The following L1CAM variants were observed in gnomAD, a reference collection of about 807,000 sequenced individuals.
L1CAM encodes L1 cell adhesion molecule.
Under a neutral mutation model 93.0 loss-of-function variants are expected in L1CAM, and 8 were observed. That is an observed-to-expected ratio of 0.09 (90% CI 0.05 to 0.16). The LOEUF (loss-of-function observed/expected upper bound fraction) is 0.16, where lower values mean the gene tolerates loss of function less well. Among genes scored for constraint, L1CAM ranks in the 10% least tolerant of loss-of-function variants. L1CAM has a pLI of 1.00. For missense variants in L1CAM, 777 were observed against 1,073.4 expected (o/e 0.72, Z 3.86); for synonymous variants, 453 against 453.0 (o/e 1.00, Z 0.00).
chrX:153,885,833 AC>A, intron 1 of L1CAM: 1 of 292,743 alleles, frequency 3.4e-6, no homozygotes, highest in Non-Finnish European at 4.5e-6. Context: ...CCCGCAGGTT[AC>A]CCCTCACCTG....
intron 2 of L1CAM, 72 bp from the exon 3 acceptor site, chrX:153,873,314 G>C (rs1029731152): frequency 1.2e-4 from 127 of 1,046,265 alleles, no homozygotes; most frequent in Non-Finnish European, 1.6e-4. Flanking sequence ...GAGTGGGGCA[G>C]ATGGCAGGGG....
intron 3 of L1CAM, chrX:153,872,950 C>A: frequency 2.2e-6 from 1 of 450,545 alleles, no homozygotes. Flanking sequence ...GCGGGGGCAA[C>A]AAAAGCCAAG....
rs1215465601 is a variant in L1CAM, at chrX:153,872,065, G to A, written c.400+87C>T. On this transcript the variant is annotated intron_variant, in intron 5 of 28. Coordinates refer to ENST00000370060, the MANE Select transcript of L1CAM (RefSeq NM_001278116.2). ...GCAGGACACCCAGGCCCCTCGCCAC[G>A]AGACAACTGGCTGACAGCAGCTTCC... 1.2e-4 allele frequency: 100 copies of A among 832,827 alleles called. 1 individual carries two copies. The East Asian group carries it at 2.4e-3, about 20-fold the overall frequency. The allele number at this position is 832,827 out of a possible 1,213,427, so 68.6% of individuals were successfully genotyped here. A position where few individuals can be genotyped will look rare whatever the true frequency, so the allele number is the denominator to read the frequency against.
Position 153,862,102 on chromosome X carries a change from T to C in L1CAM, c.*561A>G, listed in dbSNP as rs1283186676. 1.8e-5 allele frequency: 2 copies of C among 114,080 alleles called. No individual in the cohort carries two copies. The highest frequency in any genetic ancestry group is 9.3e-5 in the Admixed American group (1 of 10,775). The allele number at this position is 114,080 out of a possible 1,213,427, so 9.4% of individuals were successfully genotyped here. ...AAGAGGCGGTGCTGCCAGAGTGCGA[T>C]GCTGGGAGTGGGGGGACTCTGGGCT... On this transcript the variant is annotated 3_prime_UTR_variant, in exon 29 of 29. Coordinates refer to ENST00000370060, the MANE Select transcript of L1CAM (RefSeq NM_001278116.2).
intron 2 of L1CAM, among the ~76,000 whole-genome samples, chrX:153,873,875 A>G: frequency 8.9e-6 from 1 of 112,509 alleles, no homozygotes; most frequent in East Asian, 2.8e-4. Context: ...CAGAGGCCAG[A>G]GCTGCTGTCC....
At chrX:153,874,083 A>G (rs1239435832) in intron 2 of L1CAM, among the ~76,000 whole-genome samples, 1 of 112,559 alleles carries the variant, frequency 8.9e-6, no homozygotes, top group Non-Finnish European at 1.9e-5. Context: ...GACAGGGATG[A>G]CAGGATGCAG....
chrX:153,882,541 C>T (rs1424412283), intron 1 of L1CAM, among the ~76,000 whole-genome samples: 1 of 108,612 alleles, frequency 9.2e-6, no homozygotes, highest in Admixed American at 9.8e-5. Context: ...CAAATACACA[C>T]ACACAAGCAG....
At chrX:153,881,315 G>C (rs1432786834) in intron 1 of L1CAM, among the ~76,000 whole-genome samples, 3 of 111,918 alleles carry the variant, frequency 2.7e-5, no homozygotes, top group Non-Finnish European at 3.8e-5. Context: ...GGGTTTTAGA[G>C]GGCGTGGTGG....
At chrX:153,885,867 C>T in intron 1 of L1CAM, 198 bp downstream of exon 1, 4 of 801,046 alleles carry the variant, frequency 5.0e-6, no homozygotes, top group Non-Finnish European at 6.2e-6. Flanking sequence ...ACCCGGCATC[C>T]CTCCCCCGCC....
intron 1 of L1CAM, chrX:153,885,696 G>A: frequency 2.8e-6 from 1 of 359,457 alleles, no homozygotes; most frequent in Non-Finnish European, 4.2e-6. Context: ...CGCTCGACCC[G>A]ATCTGGCTTC....
At chrX:153,874,678 C>G (rs1296006727) in intron 2 of L1CAM, among the ~76,000 whole-genome samples, 1 of 112,395 alleles carries the variant, frequency 8.9e-6, no homozygotes, top group Non-Finnish European at 1.9e-5. Flanking sequence ...CAACTCGTCT[C>G]TCAGTGACAC....
intron 1 of L1CAM, chrX:153,885,299 C>A: frequency 1.4e-6 from 1 of 718,041 alleles, no homozygotes; most frequent in Non-Finnish European, 1.9e-6. Flanking sequence ...GACACCCATG[C>A]ACGGGAGGCA....
At position 153,862,712 on chromosome X, in the gene L1CAM, T is replaced by A; in HGVS notation, c.3725A>T (p.Asp1242Val). ...KKEKEAAGGN[D>V]SSGATSPINP... ...GATGGGGGAAGTGGCCCCTGAGCTG[T>A]CATTGCCCCCTGCCGCCTCCTTCTC... The change falls in exon 29 of 29, where the codon GAC (aspartate) becomes GTC (valine). Residue 1242 changes from aspartate to valine, a missense_variant. Transcript: ENST00000370060. The A allele has an allele frequency of 8.3e-7, 1 of 1,212,011 alleles. No individual in the cohort carries two copies. The highest frequency in any genetic ancestry group is 2.2e-5 in the Admixed American group (1 of 46,133).
chrX:153,873,338 C>T (rs1423816872), intron 2 of L1CAM, 96 bp from the exon 3 acceptor site: 2 of 904,191 alleles, frequency 2.2e-6, no homozygotes, highest in Non-Finnish European at 3.2e-6. Flanking sequence ...TAGTAAGCTC[C>T]TGCAGCCCCC....
chrX:153,866,324 AAAAG>A (rs1442806028), intron 19 of L1CAM, among the ~76,000 whole-genome samples: 7 of 108,914 alleles, frequency 6.4e-5, no homozygotes, highest in African/African-American at 1.0e-4. Flanking sequence ...AAAAAAAAAA[AAAAG>A]AAAGAAAAGA....
intron 27 of L1CAM, 34 bp downstream of exon 27, chrX:153,863,443 C>T: frequency 8.3e-7 from 1 of 1,207,414 alleles, no homozygotes; most frequent in Non-Finnish European, 1.1e-6. Flanking sequence ...CAGGGTGGAG[C>T]TGAGTGCCAG....
rs1295313253 is a variant in L1CAM, at chrX:153,885,395, C to T, written c.-109+670G>A. 6 of 981,270 alleles carry T rather than the reference C, an allele frequency of 6.1e-6. No individual in the cohort carries two copies. In the African/African-American group the frequency reaches 1.2e-4, roughly 19 times the overall value. 80.9% of individuals were successfully genotyped at this position (981,270 alleles called of 1,213,427 possible). A position where few individuals can be genotyped will look rare whatever the true frequency, so the allele number is the denominator to read the frequency against. On this transcript the variant is annotated intron_variant, in intron 1 of 28. Coordinates refer to ENST00000370060, the MANE Select transcript of L1CAM (RefSeq NM_001278116.2). ...GGAAACGGGCTCCAGAGGCGCCCTA[C>T]GCCTCCGGGGAGGAGCCCCTGGCTC... is the stretch of plus-strand genomic sequence containing the variant.
At chrX:153,873,738 G>A (rs1557093891) in intron 2 of L1CAM, among the ~76,000 whole-genome samples, 2 of 112,505 alleles carry the variant, frequency 1.8e-5, no homozygotes, top group East Asian at 2.8e-4. Context: ...TCAGAGCCCT[G>A]CTGCCCCCTC....
At chrX:153,883,681 C>A (rs1557096190) in intron 1 of L1CAM, 1 of 318,073 alleles carries the variant, frequency 3.1e-6, no homozygotes. Context: ...AGGCAGGGCC[C>A]CCACTCATGC....
Sources: gnomAD v4.1 joint callset for allele counts (sites outside exome capture counted in the v4.1 genomes callset) on GRCh38, gnomAD v4.1.1 for gene constraint, MANE v1.5 for transcripts, NCBI Gene and HGNC (gene_info 2026-07-23, HGNC 2026-07-21) for gene names.